Variants in CDH4 observed in about 807,000 individuals in gnomAD.
The protein encoded by CDH4 is cadherin 4, also known as cadherin-4.
In CDH4, 33 loss-of-function variants were observed where a neutral mutation model predicts 86.0. The ratio of observed to expected loss-of-function variants is 0.38; its 90% CI spans 0.29 to 0.51. The LOEUF is 0.51. CDH4 is among the 20% of genes least tolerant of loss of function. The probability of loss-of-function intolerance (pLI) is 0.86; values close to 1 mark genes in which losing one functional copy is unlikely to be tolerated. For synonymous variants in CDH4, 555 were observed against 549.4 expected (o/e 1.01, Z -0.14); for missense variants, 1,114 against 1,307.4 (o/e 0.85, Z 2.28).
intron 2 of CDH4, among the ~76,000 whole-genome samples, chr20:61,674,952 G>C (rs1169362253): frequency 6.6e-6 from 1 of 152,194 alleles, no homozygotes; most frequent in African/African-American, 2.4e-5. Context: ...CTTTGCCTCT[G>C]CTGTGGACCA....
In CDH4 at chr20:61,602,694, T is replaced by TAAAAAA. The variant is rs10641053; in HGVS notation, c.170-140848_170-140843dup. Among the ~76,000 whole-genome samples the TAAAAAA allele has an allele frequency of 9.8e-4, 87 of 89,122 alleles. 2 individuals carry two copies. Among genetic ancestry groups the TAAAAAA allele is most frequent in the African/African-American group, 3.7e-3 (83 of 22,672 alleles). 58.5% of individuals were successfully genotyped at this position (89,122 alleles called of 152,430 possible). On this transcript the variant is annotated intron_variant, in intron 2 of 15. Coordinates refer to ENST00000614565, the MANE Select transcript of CDH4 (RefSeq NM_001794.5). ...TGCTGGGTTTATACATTCACTTTATTAAAAAAAAAAAAAAAAAAAAAAAAA... is the reference window on the plus strand; with the variant it reads ...TGCTGGGTTTATACATTCACTTTATTAAAAAAAAAAAAAAAAAAAAAAAAAAAAAAA...
intron 2 of CDH4, among the ~76,000 whole-genome samples, chr20:61,649,484 T>C (rs967013077): frequency 2.6e-5 from 4 of 152,210 alleles, no homozygotes; most frequent in African/African-American, 9.7e-5. Context: ...AAGTTGTACA[T>C]CCAGGTCACC....
At chr20:61,728,896 C>G (rs915728225) in intron 2 of CDH4, among the ~76,000 whole-genome samples, 1 of 152,172 alleles carries the variant, frequency 6.6e-6, no homozygotes, top group Admixed American at 6.5e-5. Context: ...GCAAGGCCAC[C>G]CCCTCCAGGT....
intron 2 of CDH4, among the ~76,000 whole-genome samples, chr20:61,278,647 G>A (rs540035669): frequency 1.3e-5 from 2 of 152,222 alleles, no homozygotes; most frequent in African/African-American, 4.8e-5. Flanking sequence ...TTCTGAGAAT[G>A]TTCAAAATGC....
intron 2 of CDH4, among the ~76,000 whole-genome samples, chr20:61,509,532 C>T (rs2085764928): frequency 6.7e-6 from 1 of 149,208 alleles, no homozygotes; most frequent in East Asian, 2.0e-4. Flanking sequence ...GAATGTTGAG[C>T]GGGAGGAGGG....
intron 2 of CDH4, among the ~76,000 whole-genome samples, chr20:61,366,987 C>A (rs1447700056): frequency 1.3e-5 from 2 of 152,202 alleles, no homozygotes; most frequent in Admixed American, 6.5e-5. Flanking sequence ...CCAGACACCA[C>A]ACAGAACACA....
chr20:61,760,990 C>T (rs900089368), intron 3 of CDH4, among the ~76,000 whole-genome samples: 21 of 152,122 alleles, frequency 1.4e-4, no homozygotes, highest in African/African-American at 4.6e-4. Context: ...CATTTTATTC[C>T]GTCCATCCTT....
In CDH4 at chr20:61,517,678, G is replaced by A. The variant is rs1016688201; in HGVS notation, c.170-225885G>A. On this transcript the variant is annotated intron_variant, in intron 2 of 15. Transcript: ENST00000614565. This position sits in a 1 kb window ranked among gnomAD's most constrained non-coding sequence, Gnocchi z 6.6. ...CAGCGCCGCTGTAGGACCATGGAGG[G>A]AATGAACAAGGAGGGGTTGTCGGAC... Among the ~76,000 whole-genome samples, 1 of 147,088 alleles carries A rather than the reference G, an allele frequency of 6.8e-6. No individual in the cohort carries two copies. Among genetic ancestry groups the A allele is most frequent in the African/African-American group, 2.6e-5 (1 of 38,856 alleles).
At chr20:61,602,875 C>T (rs1054841487) in intron 2 of CDH4, among the ~76,000 whole-genome samples, 1 of 152,170 alleles carries the variant, frequency 6.6e-6, no homozygotes, top group South Asian at 2.1e-4. Context: ...GAACGTGTTA[C>T]GGTTTCGCTT....
chr20:61,853,555 C>T (rs1017208996), intron 6 of CDH4, among the ~76,000 whole-genome samples: 10 of 152,088 alleles, frequency 6.6e-5, no homozygotes, highest in African/African-American at 7.2e-5. Flanking sequence ...CCTAGCTGAG[C>T]GTGTCATGTC....
chr20:61,786,317 C>T (rs972016538), intron 4 of CDH4, among the ~76,000 whole-genome samples: 6 of 152,124 alleles, frequency 3.9e-5, no homozygotes, highest in African/African-American at 7.2e-5. Flanking sequence ...GTTCTGAAGA[C>T]GCAATCCCAA....
At position 61,939,809 on chromosome 20, in the gene CDH4, GC is replaced by G. The variant is rs1322381986; in HGVS notation, c.*2871del. The G allele has an allele frequency of 1.3e-5, 2 of 152,270 alleles. No individual in the cohort carries two copies. The allele number at this position is 152,270 out of a possible 1,614,324, so 9.4% of individuals were successfully genotyped here. On this transcript the variant is annotated 3_prime_UTR_variant, in exon 16 of 16. Coordinates refer to ENST00000614565, the MANE Select transcript of CDH4 (RefSeq NM_001794.5). ...AACGACTGGCCTTGGTCAGCAGGCA[GC>G]CCCCAGCCTAGGGCCACAGTCCTCT...
At chr20:61,764,555 T>A (rs1484591499) in intron 3 of CDH4, among the ~76,000 whole-genome samples, 1 of 150,710 alleles carries the variant, frequency 6.6e-6, no homozygotes, top group Non-Finnish European at 1.5e-5. Flanking sequence ...GGGTGGAGAG[T>A]GAACACACCT....
At chr20:61,288,717 G>A (rs2123179220) in intron 2 of CDH4, among the ~76,000 whole-genome samples, 1 of 152,358 alleles carries the variant, frequency 6.6e-6, no homozygotes, top group African/African-American at 2.4e-5. Context: ...AGACCTCACA[G>A]CACATGAAGG....
chr20:61,893,483 G>T (rs1292354747), intron 7 of CDH4, among the ~76,000 whole-genome samples: 1 of 133,762 alleles, frequency 7.5e-6, no homozygotes, highest in Non-Finnish European at 1.6e-5. Flanking sequence ...TGAGTAGAGG[G>T]ATGGTGGATG....
rs114713653 is a variant in CDH4 at position 61,546,392 on chromosome 20, C to T, written c.170-197171C>T. Among the ~76,000 whole-genome samples the T allele has an allele frequency of 9.9e-3, 1,488 of 150,170 alleles. 22 individuals are homozygous for T. The highest frequency in any genetic ancestry group is 0.035 in the African/African-American group (1,416 of 40,824). ...TGTAGGGGTGAGGTATGTGTGCACACATGCATGTGCGTGTGTGTGTGTGCG... is the reference window on the plus strand; with the variant it reads ...TGTAGGGGTGAGGTATGTGTGCACATATGCATGTGCGTGTGTGTGTGTGCG... On this transcript the variant is annotated intron_variant, in intron 2 of 15. Transcript: ENST00000614565.
chr20:61,254,505 T>C (rs541984755), intron 1 of CDH4, among the ~76,000 whole-genome samples: 7 of 152,340 alleles, frequency 4.6e-5, no homozygotes, highest in South Asian at 2.1e-4. Context: ...CTTCTGTCTC[T>C]GCCTTTTGGT....
chr20:61,686,947 C>T (rs1441028405), intron 2 of CDH4, among the ~76,000 whole-genome samples: 4 of 151,680 alleles, frequency 2.6e-5, no homozygotes, highest in Non-Finnish European at 5.9e-5. Flanking sequence ...CCCCGCCCCC[C>T]GACCCAGCAA....
At chr20:61,798,031 T>A (rs910831814) in intron 4 of CDH4, among the ~76,000 whole-genome samples, 4 of 152,198 alleles carry the variant, frequency 2.6e-5, no homozygotes, top group African/African-American at 7.2e-5. Context: ...CGGGGTCAGC[T>A]CCAGCCTCAC....
Sources: allele counts gnomAD v4.1 joint callset (sites outside exome capture counted in the v4.1 genomes callset), GRCh38; gene constraint gnomAD v4.1.1; non-coding constraint Gnocchi (gnomAD v3.1); transcripts MANE v1.5; gene names NCBI Gene and HGNC (gene_info 2026-07-23, HGNC 2026-07-21).